ENAH: variants seen among roughly 807,000 people sequenced by gnomAD.
ENAH encodes ENAH actin regulator, also known as protein enabled homolog.
ENAH carries 23 observed loss-of-function variants against 78.7 expected under a neutral mutation model. The ratio of observed to expected loss-of-function variants is 0.29; its 90% confidence interval spans 0.21 to 0.41. The LOEUF (loss-of-function observed/expected upper bound fraction) is 0.41. Ranked by LOEUF, ENAH falls within the 10% of genes least tolerant of loss-of-function variation. The probability of loss-of-function intolerance (pLI) is 1.00; values close to 1 mark genes in which losing one functional copy is unlikely to be tolerated. For missense variants in ENAH, 544 were observed against 691.0 expected (o/e 0.79, Z 2.39); for synonymous variants, 226 against 241.0 (o/e 0.94, Z 0.58).
intron 3 of ENAH, among the ~76,000 whole-genome samples, chr1:225,545,121 A>ATGAAATAC (rs757259244): frequency 3.5e-4 from 53 of 152,324 alleles, no homozygotes; most frequent in Non-Finnish European, 7.5e-4. Context: ...AGGAGAGAAG[A>ATGAAATAC]TGAAATACAG....
intron 4 of ENAH, among the ~76,000 whole-genome samples, chr1:225,526,234 A>C (rs1399377341): frequency 1.3e-5 from 2 of 151,652 alleles, no homozygotes; most frequent in Non-Finnish European, 2.9e-5. Context: ...TTCTTACTTT[A>C]CTTTCTTTCT....
At chr1:225,604,555 G>A (rs891505187) in intron 1 of ENAH, among the ~76,000 whole-genome samples, 51 of 151,546 alleles carry the variant, frequency 3.4e-4, no homozygotes, top group African/African-American at 1.1e-3. Context: ...AGGCCGAGGC[G>A]GGCAGATCAC....
intron 1 of ENAH, among the ~76,000 whole-genome samples, chr1:225,570,588 T>C (rs895160210): frequency 2.6e-5 from 4 of 152,146 alleles, no homozygotes; most frequent in Admixed American, 6.5e-5. Context: ...CCATGTCCAT[T>C]TCATGAATAG....
chr1:225,626,722 C>G (rs1330674204), intron 1 of ENAH, among the ~76,000 whole-genome samples: 1 of 152,316 alleles, frequency 6.6e-6, no homozygotes, highest in East Asian at 1.9e-4. Context: ...TTTTGGAAAA[C>G]CAAGTGACTT....
intron 4 of ENAH, among the ~76,000 whole-genome samples, chr1:225,525,211 T>C (rs2096494841): frequency 6.6e-6 from 1 of 152,208 alleles, no homozygotes; most frequent in Non-Finnish European, 1.5e-5. Context: ...ACTATACAAA[T>C]GATTTAATTC....
At chr1:225,637,738 A>G (rs962077502) in intron 1 of ENAH, among the ~76,000 whole-genome samples, 1 of 152,200 alleles carries the variant, frequency 6.6e-6, no homozygotes, top group Admixed American at 6.5e-5. Context: ...CAGAGTGCCT[A>G]AAAAACAGAA....
intron 1 of ENAH, among the ~76,000 whole-genome samples, chr1:225,642,138 T>G (rs116480325): frequency 0.027 from 4,112 of 150,962 alleles, 75 homozygotes; most frequent in Non-Finnish European, 0.041. Flanking sequence ...GAGGCAGAGG[T>G]TGCAGTGAGC....
chr1:225,598,025 T>C (rs2096911091), intron 1 of ENAH, among the ~76,000 whole-genome samples: 2 of 152,126 alleles, frequency 1.3e-5, no homozygotes, highest in Admixed American at 6.5e-5. Flanking sequence ...GCAGTCAGTA[T>C]TCTTCACTCC....
At chr1:225,616,465 C>A (rs1422986248) in intron 1 of ENAH, among the ~76,000 whole-genome samples, 1 of 151,758 alleles carries the variant, frequency 6.6e-6, no homozygotes. Flanking sequence ...TTTATTCATA[C>A]AAGTAAATTT....
At position 225,514,799 on chromosome 1, in the gene ENAH, G is replaced by A; in HGVS notation, c.1015C>T (p.Pro339Ser). Residue 339 changes from proline to serine, a missense_variant, in exon 7 of 14, where the codon CCT (proline) becomes TCT (serine). Physicochemically the swap from Pro to Ser is moderately conservative, Grantham distance 74. This residue lies in a region of ENAH where 366 missense variants were observed against 396.1 expected (regional missense o/e 0.92). Coordinates refer to ENST00000366843, the MANE Select transcript of ENAH (RefSeq NM_018212.6). ...ALPPPPGPPP[P>S]PPLPSTGPPP... ...GGCCCGGTGGATGGGAGTGGAGGAG[G>A]TGGAGGGGGCCCTGGGGGAGGAGGG... The A allele has an allele frequency of 2.0e-6, 3 of 1,519,334 alleles. No individual in the cohort carries two copies. Among genetic ancestry groups the A allele is most frequent in the South Asian group, 1.2e-5 (1 of 80,440 alleles). 94.1% of individuals were successfully genotyped at this position (1,519,334 alleles called of 1,614,324 possible).
intron 2 of ENAH, among the ~76,000 whole-genome samples, chr1:225,561,419 C>A (rs1458576490): frequency 6.7e-6 from 1 of 150,142 alleles, no homozygotes; most frequent in African/African-American, 2.5e-5. Context: ...GTCAGGAGAT[C>A]GAAACCAACC....
chr1:225,534,201 G>A (rs975179361), intron 3 of ENAH, among the ~76,000 whole-genome samples: 9 of 151,856 alleles, frequency 5.9e-5, no homozygotes, highest in African/African-American at 1.5e-4. Flanking sequence ...AAGATAGCCC[G>A]GAAAAACCCC....
chr1:225,615,216 T>C (rs1363231294), intron 1 of ENAH, among the ~76,000 whole-genome samples: 2 of 152,200 alleles, frequency 1.3e-5, no homozygotes, highest in African/African-American at 4.8e-5. Flanking sequence ...CTGGTTTTTG[T>C]ATTTTTTCGG....
chr1:225,500,977 C>T lies in ENAH; in HGVS notation c.1617+15G>A, dbSNP rs761210007. 3.1e-6 allele frequency: 5 copies of T among 1,611,368 alleles called. No individual in the cohort carries two copies. The South Asian group carries it at 5.5e-5, about 18-fold the overall frequency. The stretch of plus-strand genomic sequence containing the variant: ...AACAAGTACAAATAAAGGAAAGCTG[C>T]CACTGAGCACCCACCTGCTTCAGCC... On this transcript the variant is annotated intron_variant, in intron 12 of 13. Transcript: ENST00000366843.
At chr1:225,523,456 C>T (rs1377127417) in intron 4 of ENAH, among the ~76,000 whole-genome samples, 2 of 151,836 alleles carry the variant, frequency 1.3e-5, no homozygotes, top group Admixed American at 6.6e-5. Context: ...GGAGTGTCTA[C>T]TGATATAGGA....
At chr1:225,610,070 T>C (rs935439101) in intron 1 of ENAH, among the ~76,000 whole-genome samples, 1 of 152,000 alleles carries the variant, frequency 6.6e-6, no homozygotes. Context: ...TCTAATTTTT[T>C]AAAACCATGC....
chr1:225,573,752 C>T (rs1049781091), intron 1 of ENAH, among the ~76,000 whole-genome samples: 2 of 152,090 alleles, frequency 1.3e-5, no homozygotes, highest in Non-Finnish European at 2.9e-5. Flanking sequence ...TATGGATGCA[C>T]CTAGCATTTT....
chr1:225,614,124 T>C (rs897577031), intron 1 of ENAH, among the ~76,000 whole-genome samples: 1 of 151,896 alleles, frequency 6.6e-6, no homozygotes, highest in African/African-American at 2.4e-5. Flanking sequence ...AATGGCACAA[T>C]CTCGGCTCAC....
At chr1:225,570,388 AT>A (rs112014685) in intron 1 of ENAH, among the ~76,000 whole-genome samples, 1,571 of 148,624 alleles carry the variant, frequency 0.011, 12 homozygotes, top group African/African-American at 0.024. Flanking sequence ...TTATACATGG[AT>A]TTTTTTTTTC....
Sources: gnomAD v4.1 joint callset for allele counts (sites outside exome capture counted in the v4.1 genomes callset) on GRCh38, gnomAD v4.1.1 for gene constraint, gnomAD v4.1.1 regional missense constraint, MANE v1.5 for transcripts, NCBI Gene and HGNC (gene_info 2026-07-23, HGNC 2026-07-21) for gene names.